Variants in PPP6R2 observed in about 807,000 individuals in gnomAD.
PPP6R2 encodes protein phosphatase 6 regulatory subunit 2.
In PPP6R2, 62 loss-of-function variants were observed where a neutral mutation model predicts 100.2. That is an observed-to-expected ratio of 0.62 (90% CI 0.50 to 0.76). The LOEUF is 0.76. Ranked by LOEUF, PPP6R2 falls within the 30% of genes least tolerant of loss-of-function variation. PPP6R2 has a pLI of 0.00. For synonymous variants in PPP6R2, 525 were observed against 514.7 expected (o/e 1.02, Z -0.27); for missense variants, 1,142 against 1,276.3 (o/e 0.89, Z 1.60).
At chr22:50,339,526 TG>T (rs2042344672), upstream of PPP6R2, among the ~76,000 whole-genome samples, 3 of 118,786 alleles carry the variant, frequency 2.5e-5, no homozygotes, top group African/African-American at 6.5e-5. Flanking sequence ...GTGTGGTATG[TG>T]GTGTGTGGTG....
At chr22:50,381,724 C>T (rs988956187) in intron 2 of PPP6R2, among the ~76,000 whole-genome samples, 32 of 151,538 alleles carry the variant, frequency 2.1e-4, no homozygotes, top group African/African-American at 7.5e-4. Flanking sequence ...ATTGAGACCA[C>T]GGTGAAACCC....
the PPP6R2 span, among the ~76,000 whole-genome samples, chr22:50,338,237 GTGGT>G: frequency 4.5e-5 from 6 of 133,142 alleles, no homozygotes; most frequent in African/African-American, 1.9e-4. Context: ...GTGTGTGTGT[GTGGT>G]GTGTTTGTGT....
intron 2 of PPP6R2, among the ~76,000 whole-genome samples, chr22:50,374,823 A>G (rs2051082780): frequency 6.8e-6 from 1 of 146,946 alleles, no homozygotes; most frequent in Non-Finnish European, 1.5e-5. Flanking sequence ...CTGAGGCAGG[A>G]GAATTGCTTG....
chr22:50,357,112 C>CT (rs1670836590), intron 1 of PPP6R2, among the ~76,000 whole-genome samples: 1 of 152,052 alleles, frequency 6.6e-6, no homozygotes, highest in South Asian at 2.1e-4. Flanking sequence ...TTGAGTTTGT[C>CT]TGATGAATTA....
At chr22:50,425,909 A>G (rs753114182) in intron 10 of PPP6R2, among the ~76,000 whole-genome samples, 1 of 145,792 alleles carries the variant, frequency 6.9e-6, no homozygotes, top group African/African-American at 2.5e-5. Flanking sequence ...TAGAAGTTCT[A>G]TATATATTCT....
intron 1 of PPP6R2, among the ~76,000 whole-genome samples, chr22:50,367,928 G>T (rs1276976125): frequency 6.6e-6 from 1 of 152,198 alleles, no homozygotes; most frequent in Admixed American, 6.5e-5. Flanking sequence ...TACAGGCAAG[G>T]GGGCAGGGTA....
At chr22:50,388,369 T>G (rs2054687963) in intron 2 of PPP6R2, among the ~76,000 whole-genome samples, 1 of 142,556 alleles carries the variant, frequency 7.0e-6, no homozygotes, top group African/African-American at 2.6e-5. Flanking sequence ...ACTCCAGCCT[T>G]GGCAACAGAG....
intron 3 of PPP6R2, among the ~76,000 whole-genome samples, chr22:50,395,898 GAAAA>G (rs201913766): frequency 2.0e-5 from 3 of 147,704 alleles, no homozygotes; most frequent in Non-Finnish European, 4.5e-5. Flanking sequence ...AATGGTTGGG[GAAAA>G]AAAAATCGAA....
intron 19 of PPP6R2, among the ~76,000 whole-genome samples, chr22:50,439,399 A>G (rs1262096643): frequency 6.6e-6 from 1 of 152,072 alleles, no homozygotes; most frequent in Admixed American, 6.5e-5. Context: ...CCTGGGTAGG[A>G]CAGGGCAGTG....
At chr22:50,418,552 A>C (rs1262909937) in intron 6 of PPP6R2, among the ~76,000 whole-genome samples, 1 of 151,978 alleles carries the variant, frequency 6.6e-6, no homozygotes, top group Admixed American at 6.6e-5. Context: ...ACGCCCGGCT[A>C]ATTTTTTGTA....
At position 50,382,836 on chromosome 22, in the gene PPP6R2, A is replaced by ATT. The variant is rs532410577; in HGVS notation, c.-17+10704_-17+10705dup. On this transcript the variant is annotated intron_variant, in intron 2 of 23. Coordinates refer to ENST00000612753, the MANE Select transcript of PPP6R2 (RefSeq NM_001242898.2). ...GGAAAAGGGTGAAATTTACAAGCAA[A>ATT]TTTTTTTTTTTTTTTTTTTGAGATA... Among the ~76,000 whole-genome samples the ATT allele has an allele frequency of 7.6e-3, 1,069 of 141,268 alleles. 13 individuals carry two copies. Among genetic ancestry groups the ATT allele is most frequent in the East Asian group, 0.037 (180 of 4,882 alleles). 92.7% of individuals were successfully genotyped at this position (141,268 alleles called of 152,430 possible).
intron 3 of PPP6R2, among the ~76,000 whole-genome samples, chr22:50,394,853 G>A (rs1403003775): frequency 6.7e-6 from 1 of 148,154 alleles, no homozygotes; most frequent in Non-Finnish European, 1.5e-5. Flanking sequence ...GGTGGAGCTT[G>A]CAGTGAGCTG....
At chr22:50,335,678 A>ATTTTTTT in the PPP6R2 span, among the ~76,000 whole-genome samples, 863 of 128,628 alleles carry the variant, frequency 6.7e-3, 25 homozygotes, top group African/African-American at 0.027. Context: ...CACCCAACTA[A>ATTTTTTT]TTTTTTTTTT....
At chr22:50,338,908 G>GT (rs2042335362), upstream of PPP6R2, among the ~76,000 whole-genome samples, 1 of 100,964 alleles carries the variant, frequency 9.9e-6, no homozygotes. Context: ...TGTGGTGTGT[G>GT]TGGTAGTGTG....
rs547396966 is a variant in PPP6R2, at chr22:50,384,035, C to CAAAAA, written c.-16-9843_-16-9839dup. Among the ~76,000 whole-genome samples the CAAAAA allele has an allele frequency of 8.2e-4, 62 of 75,854 alleles. 1 individual carries two copies. In the East Asian group the frequency reaches 0.013, roughly 16 times the overall value. The allele number at this position is 75,854 out of a possible 152,430, so 49.8% of individuals were successfully genotyped here. On this transcript the variant is annotated intron_variant, in intron 2 of 23. Transcript: ENST00000612753. ...TGGGCGGCTGAGCGAGACTCCATCT[C>CAAAAA]AAAAAAAAAAAAAAAAAAAGAAGGA...
chr22:50,385,580 A>G (rs1020281211), intron 2 of PPP6R2, among the ~76,000 whole-genome samples: 2 of 144,710 alleles, frequency 1.4e-5, no homozygotes, highest in African/African-American at 5.2e-5. Flanking sequence ...CAATGGCGCT[A>G]TCTCGGCTCA....
chr22:50,338,947 G>C (rs1479920886), upstream of PPP6R2, among the ~76,000 whole-genome samples: 1 of 133,102 alleles, frequency 7.5e-6, no homozygotes, highest in South Asian at 2.6e-4. Context: ...TGGGTGTGTA[G>C]GGTGTGGTGG....
chr22:50,422,263 C>T lies in PPP6R2; in HGVS notation c.855C>T (p.Gly285=). 6.2e-7 allele frequency: 1 copy of T among 1,614,022 alleles called. No individual in the cohort carries two copies. ...CTTTCCTCATCCACAGGACAGAGGG[C>T]TTGGTGGACTCCTTTTCTCAGGGAC... ...LLETRRVGTE[G]LVDSFSQGLE... The change falls in exon 9 of 24, where the codon GGC becomes GGT. Residue 285 remains glycine (G), a synonymous_variant. Transcript: ENST00000612753.
Position 50,431,032 on chromosome 22 carries a change from A to G in PPP6R2, c.1126-141A>G, listed in dbSNP as rs561265031. 2.1e-5 allele frequency: 15 copies of G among 713,580 alleles called. No individual in the cohort carries two copies. Among genetic ancestry groups the G allele is most frequent in the Admixed American group, 9.3e-5 (4 of 43,150 alleles). The allele number at this position is 713,580 out of a possible 1,614,324, so 44.2% of individuals were successfully genotyped here. A position where few individuals can be genotyped will look rare whatever the true frequency, so the allele number is the denominator to read the frequency against. On this transcript the variant is annotated intron_variant, in intron 10 of 23. Transcript: ENST00000612753. This position sits in a 1 kb window ranked among gnomAD's most constrained non-coding sequence, Gnocchi z 4.8. ...AGAGATGACCCTCAGGAAAACGCTT[A>G]AAACTCCTTCCTAGCTACCCAGAGA...
Sources: allele counts gnomAD v4.1 joint callset (sites outside exome capture counted in the v4.1 genomes callset), GRCh38; gene constraint gnomAD v4.1.1; non-coding constraint Gnocchi (gnomAD v3.1); transcripts MANE v1.5; gene names NCBI Gene and HGNC (gene_info 2026-07-23, HGNC 2026-07-21).